The following HNF1A variants were observed in gnomAD, a reference collection of about 807,000 sequenced individuals.
HNF1A encodes the protein HNF1 homeobox A.
In HNF1A, 21 loss-of-function variants were observed where a neutral mutation model predicts 62.2. The ratio of observed to expected loss-of-function variants is 0.34; its 90% CI spans 0.24 to 0.49. The LOEUF is 0.49. Ranked by LOEUF, HNF1A falls within the 20% of genes least tolerant of loss-of-function variation. The pLI is 0.99. For missense variants in HNF1A, 687 were observed against 832.3 expected, an observed-to-expected ratio of 0.83 and a Z score of 2.15; for synonymous variants, 374 against 366.8, an observed-to-expected ratio of 1.02 and a Z score of -0.22.
chr12:120,999,490 C>A lies in HNF1A; in HGVS notation c.1631C>A (p.Thr544Asn). The A allele has an allele frequency of 6.2e-7, 1 of 1,613,832 alleles. No individual in the cohort carries two copies. Among genetic ancestry groups the A allele is most frequent in the Non-Finnish European group, 8.5e-7 (1 of 1,179,972 alleles). ...GCTGCTCTGCTCCCCCAGGTCTTCACCTCAGACACTGAGGCCTCCAGTGAG... is the reference window on the plus strand; with the variant it reads ...GCTGCTCTGCTCCCCCAGGTCTTCAACTCAGACACTGAGGCCTCCAGTGAG... Reference protein sequence around the residue: ...ASLTPTKQVFTSDTEASSESG... With the variant: ...ASLTPTKQVFNSDTEASSESG... Residue 544 changes from threonine (T) to asparagine (N), a missense_variant, in exon 9 of 10, where the codon ACC (threonine) becomes AAC (asparagine). Around this residue, in one of 5 missense-constraint regions of HNF1A, gnomAD observed 408 missense variants for 455.3 expected, o/e 0.90. Coordinates refer to ENST00000257555, the MANE Select transcript of HNF1A (RefSeq NM_000545.8).
intron 1 of HNF1A, among the ~76,000 whole-genome samples, chr12:120,980,305 C>A (rs1055768148): frequency 6.6e-6 from 1 of 151,912 alleles, no homozygotes; most frequent in Non-Finnish European, 1.5e-5. Context: ...AGAGAGAGAC[C>A]GAGCCCCAAA....
rs1592901714 is a variant in HNF1A, at chr12:121,001,821, A to G, written c.*629A>G. The G allele has an allele frequency of 1.9e-6, 1 of 535,172 alleles. No individual in the cohort carries two copies. The highest frequency in any genetic ancestry group is 3.9e-5 in the East Asian group (1 of 25,780). 33.2% of individuals were successfully genotyped at this position (535,172 alleles called of 1,614,324 possible). A position where few individuals can be genotyped will look rare whatever the true frequency, so the allele number is the denominator to read the frequency against. ...CCTGAGCCCAGGGAGGCCGAAGCTA[A>G]CAGGGAAGGCAGGCAGGGCTCTCCT... On this transcript the variant is annotated 3_prime_UTR_variant, in exon 10 of 10. Transcript: ENST00000257555.
Position 120,996,917 on chromosome 12 carries a change from C to G in HNF1A, c.1309+175C>G. 1.3e-6 allele frequency: 2 copies of G among 1,512,670 alleles called. No homozygotes were observed. Among genetic ancestry groups the G allele is most frequent in the Non-Finnish European group, 1.8e-6 (2 of 1,113,706 alleles). 93.7% of individuals were successfully genotyped at this position (1,512,670 alleles called of 1,614,324 possible). ...ATCAGTGATACCTGGGTGAACCAAACAGACCAAAATCTCAGCAACTCAAGC... is the reference window on the plus strand; with the variant it reads ...ATCAGTGATACCTGGGTGAACCAAAGAGACCAAAATCTCAGCAACTCAAGC... On this transcript the variant is annotated intron_variant, in intron 6 of 9. Coordinates refer to ENST00000257555, the MANE Select transcript of HNF1A (RefSeq NM_000545.8). The surrounding 1 kb of genome is among the most constrained non-coding windows in gnomAD (Gnocchi z 4.5).
At chr12:120,990,866 A>C (rs1169298) in intron 2 of HNF1A, among the ~76,000 whole-genome samples, 1 of 152,182 alleles carries the variant, frequency 6.6e-6, no homozygotes, top group Admixed American at 6.5e-5. Flanking sequence ...GATTTTCTGC[A>C]TATAGTAGCA....
At chr12:120,982,194 C>G (rs1017541495) in intron 1 of HNF1A, among the ~76,000 whole-genome samples, 1 of 152,124 alleles carries the variant, frequency 6.6e-6, no homozygotes. Flanking sequence ...CTCAGCCTCC[C>G]GAGTAGCTGG....
intron 7 of HNF1A, among the ~76,000 whole-genome samples, chr12:120,998,612 A>T (rs1042151619): frequency 6.6e-6 from 1 of 151,962 alleles, no homozygotes. Context: ...TTACATTTTT[A>T]TCTGAGTCAC....
rs886039544 is a variant in HNF1A at position 120,994,229 on chromosome 12, C to T, written c.779C>T (p.Thr260Met). ...CAGGGGCTGGGCTCCAACCTCGTCACGGAGGTGCGTGTCTACAACTGGTTT... is the reference window on the plus strand; with the variant it reads ...CAGGGGCTGGGCTCCAACCTCGTCATGGAGGTGCGTGTCTACAACTGGTTT... ...QAQGLGSNLVTEVRVYNWFAN... is the reference protein window; with the variant it reads ...QAQGLGSNLVMEVRVYNWFAN... Residue 260 changes from threonine (T) to methionine (M), a missense_variant, in exon 4 of 10, where the codon ACG becomes ATG. Physicochemically the swap from Thr to Met is moderately conservative, Grantham distance 81. This residue lies in a region of HNF1A where 47 missense variants were observed against 109.4 expected (regional missense o/e 0.43). Coordinates refer to ENST00000257555, the MANE Select transcript of HNF1A (RefSeq NM_000545.8). 1.2e-6 allele frequency: 2 copies of T among 1,613,580 alleles called. No homozygotes were observed. Among genetic ancestry groups the T allele is most frequent in the East Asian group, 2.2e-5 (1 of 44,872 alleles).
chr12:121,001,465 G>C lies in HNF1A; in HGVS notation c.*273G>C, dbSNP rs1425057069. 2 of 503,664 alleles carry C rather than the reference G, an allele frequency of 4.0e-6. No homozygotes were observed. Among genetic ancestry groups the C allele is most frequent in the South Asian group, 2.0e-5 (1 of 48,914 alleles). The allele number at this position is 503,664 out of a possible 1,614,324, so 31.2% of individuals were successfully genotyped here. A position where few individuals can be genotyped will look rare whatever the true frequency, so the allele number is the denominator to read the frequency against. On this transcript the variant is annotated 3_prime_UTR_variant, in exon 10 of 10. Transcript: ENST00000257555. ...ATGTAGGAGGGACTGTCGCTGCTTC[G>C]TGGGATACAGTCTTCTTACTTGGAA...
intron 1 of HNF1A, among the ~76,000 whole-genome samples, chr12:120,988,484 C>G (rs540005446): frequency 6.6e-6 from 1 of 152,192 alleles, no homozygotes; most frequent in Non-Finnish European, 1.5e-5. Context: ...ATCCATTCAC[C>G]CATCCATCCA....
In HNF1A at chr12:120,996,174, C is replaced by T; in HGVS notation, c.956-88C>T. On this transcript the variant is annotated intron_variant, in intron 4 of 9. Transcript: ENST00000257555. The surrounding 1 kb of genome is among the most constrained non-coding windows in gnomAD (Gnocchi z 4.5). Reference sequence around the variant, plus strand: ...CAGACAGGCAGCTGGCCTAAGCAAACCAATGGAGTTTGAAGTGCTGAGGGC... The same window carrying T: ...CAGACAGGCAGCTGGCCTAAGCAAATCAATGGAGTTTGAAGTGCTGAGGGC... 6.6e-7 allele frequency: 1 copy of T among 1,522,376 alleles called. No individual in the cohort carries two copies. The allele number at this position is 1,522,376 out of a possible 1,614,324, so 94.3% of individuals were successfully genotyped here. A position where few individuals can be genotyped will look rare whatever the true frequency, so the allele number is the denominator to read the frequency against.
chr12:120,998,157 G>C (rs1841680745), intron 7 of HNF1A: 1 of 279,082 alleles, frequency 3.6e-6, no homozygotes, highest in Non-Finnish European at 7.0e-6. Flanking sequence ...GCACGTGCCT[G>C]TAGTCCCAGC....
chr12:120,992,776 C>A (rs543124083), intron 2 of HNF1A, among the ~76,000 whole-genome samples: 1 of 152,138 alleles, frequency 6.6e-6, no homozygotes, highest in Admixed American at 6.6e-5. Flanking sequence ...CCAAAAAATA[C>A]GAATAAATGA....
At position 121,001,596 on chromosome 12, in the gene HNF1A, T is replaced by G; in HGVS notation, c.*404T>G. On this transcript the variant is annotated 3_prime_UTR_variant, in exon 10 of 10. Coordinates refer to ENST00000257555, the MANE Select transcript of HNF1A (RefSeq NM_000545.8). ...CCACACTTCTCAGGACACAGGCCTG[T>G]GTAGCTGTGACCTGCTGAGCTCTGA... 2.3e-6 allele frequency: 1 copy of G among 441,030 alleles called. No homozygotes were observed. Among genetic ancestry groups the G allele is most frequent in the Non-Finnish European group, 4.3e-6 (1 of 231,408 alleles). The allele number at this position is 441,030 out of a possible 1,614,324, so 27.3% of individuals were successfully genotyped here.
intron 1 of HNF1A, among the ~76,000 whole-genome samples, chr12:120,982,578 C>T (rs573789274): frequency 1.1e-4 from 16 of 152,266 alleles, no homozygotes; most frequent in African/African-American, 3.6e-4. Flanking sequence ...GCCTCAGTTT[C>T]GTCTGCAGGG....
intron 9 of HNF1A, 23 bp downstream of exon 9, chr12:120,999,650 C>A (rs753252001): frequency 1.5e-5 from 24 of 1,601,720 alleles, no homozygotes; most frequent in East Asian, 2.2e-5. Flanking sequence ...GGCTCCACCC[C>A]CTCCCTTACT....
chr12:120,989,081 TC>T (rs2135833087), intron 2 of HNF1A, 49 bp downstream of exon 2: 2 of 1,565,190 alleles, frequency 1.3e-6, no homozygotes, highest in East Asian at 4.5e-5. Flanking sequence ...CCCAGGACTC[TC>T]CCCTAACTCA....
intron 1 of HNF1A, chr12:120,980,546 G>A (rs1379305723): frequency 6.6e-6 from 1 of 152,456 alleles, no homozygotes; most frequent in Non-Finnish European, 1.5e-5. Flanking sequence ...CCAGGGCGAA[G>A]GCAACCTGAC....
At position 120,999,472 on chromosome 12, in the gene HNF1A, T is replaced by C; in HGVS notation, c.1624-11T>C. ...ATCCCCCGGGCTCAGGAGGCTGCTCTGCTCCCCCAGGTCTTCACCTCAGAC... is the reference window on the plus strand; with the variant it reads ...ATCCCCCGGGCTCAGGAGGCTGCTCCGCTCCCCCAGGTCTTCACCTCAGAC... On this transcript the variant is annotated splice_polypyrimidine_tract_variant and intron_variant, in intron 8 of 9. Transcript: ENST00000257555. The C allele has an allele frequency of 6.2e-7, 1 of 1,613,880 alleles. No homozygotes were observed. The highest frequency in any genetic ancestry group is 8.5e-7 in the Non-Finnish European group (1 of 1,179,994).
At chr12:120,995,293 C>T (rs938660906) in intron 4 of HNF1A, among the ~76,000 whole-genome samples, 13 of 151,876 alleles carry the variant, frequency 8.6e-5, no homozygotes, top group Admixed American at 8.5e-4. Flanking sequence ...TCACTCAACT[C>T]CATCTACTCC....
Sources: allele counts gnomAD v4.1 joint callset (sites outside exome capture counted in the v4.1 genomes callset), GRCh38; gene constraint gnomAD v4.1.1; regional missense constraint gnomAD v4.1.1; non-coding constraint Gnocchi (gnomAD v3.1); transcripts MANE v1.5; gene names NCBI Gene and HGNC (gene_info 2026-07-23, HGNC 2026-07-21).